Variants in TRIP12 observed in about 807,000 individuals in gnomAD.
TRIP12 encodes thyroid hormone receptor interactor 12.
Under a neutral mutation model 244.2 loss-of-function variants are expected in TRIP12, and 25 were observed. That is an observed-to-expected ratio of 0.10 (90% CI 0.07 to 0.14). TRIP12 has a LOEUF of 0.14. TRIP12 is among the 10% of genes least tolerant of loss of function. TRIP12 has a pLI of 1.00. For synonymous variants in TRIP12, 905 were observed against 873.1 expected (o/e 1.04, Z -0.64); for missense variants, 1,677 against 2,486.4 (o/e 0.67, Z 6.92).
intron 6 of TRIP12, among the ~76,000 whole-genome samples, chr2:229,834,561 A>G (rs998589462): frequency 6.6e-6 from 1 of 152,218 alleles, no homozygotes; most frequent in African/African-American, 2.4e-5. Context: ...GGAGTTGGAC[A>G]GCAGCCCGGC....
At chr2:229,906,382 AT>A (rs1219156108) in intron 1 of TRIP12, among the ~76,000 whole-genome samples, 1 of 151,196 alleles carries the variant, frequency 6.6e-6, no homozygotes, top group African/African-American at 2.4e-5. Flanking sequence ...TTTTACATCT[AT>A]TTCTGAAAAA....
chr2:229,809,042 G>A (rs2046586173), intron 15 of TRIP12, among the ~76,000 whole-genome samples: 3 of 152,156 alleles, frequency 2.0e-5, no homozygotes, highest in African/African-American at 4.8e-5. Flanking sequence ...GACACAGCTG[G>A]GTCTTTGCTG....
intron 1 of TRIP12, among the ~76,000 whole-genome samples, chr2:229,920,222 G>A (rs2154384360): frequency 6.6e-6 from 1 of 152,194 alleles, no homozygotes; most frequent in South Asian, 2.1e-4. Flanking sequence ...TTTTAAAGAG[G>A]AGACTCTGAG....
intron 1 of TRIP12, among the ~76,000 whole-genome samples, chr2:229,893,394 C>G (rs2067886673): frequency 6.6e-6 from 1 of 152,150 alleles, no homozygotes. Flanking sequence ...AACCCAAATC[C>G]TTACCAGGAT....
intron 23 of TRIP12, among the ~76,000 whole-genome samples, chr2:229,798,252 C>T (rs2043310646): frequency 6.6e-6 from 1 of 152,194 alleles, no homozygotes; most frequent in South Asian, 2.1e-4. Flanking sequence ...TAAGACCCGG[C>T]TGCTTAAATT....
chr2:229,856,685 G>C (rs2059663643), intron 4 of TRIP12, among the ~76,000 whole-genome samples: 1 of 152,156 alleles, frequency 6.6e-6, no homozygotes, highest in Admixed American at 6.5e-5. Flanking sequence ...ATATTACATA[G>C]CAGGACTGAC....
rs748171866 is a variant in TRIP12 at position 229,795,373 on chromosome 2, A to G, written c.3817-43T>C. The G allele has an allele frequency of 1.2e-5, 19 of 1,567,540 alleles. No individual in the cohort carries two copies. The African/African-American group carries it at 2.2e-4, about 18-fold the overall frequency. On this transcript the variant is annotated intron_variant, in intron 25 of 41. Transcript: ENST00000675903. ...CAAACAGGTTAAACAAAGCCTTTTCAAAACAAAAGTCTCCTCAAAGAGAAG... is the reference window on the plus strand; with the variant it reads ...CAAACAGGTTAAACAAAGCCTTTTCGAAACAAAAGTCTCCTCAAAGAGAAG...
rs147718223 is a variant in TRIP12, at chr2:229,810,379, G to C, written c.2221+501C>G. 1.2e-4 allele frequency among the ~76,000 whole-genome samples: 19 copies of C among 152,216 alleles called. 1 individual carries two copies. In the East Asian group the frequency reaches 3.7e-3, roughly 29 times the overall value. Reference sequence around the variant, plus strand: ...AGAAATACCTTTCTAAATTTGAAAGGTTTAATTTGAAAGGTCTAAATTTGA... The same window carrying C: ...AGAAATACCTTTCTAAATTTGAAAGCTTTAATTTGAAAGGTCTAAATTTGA... On this transcript the variant is annotated intron_variant, in intron 15 of 41. Transcript: ENST00000675903.
chr2:229,866,800 G>T (rs761439843), intron 2 of TRIP12, among the ~76,000 whole-genome samples: 1 of 152,138 alleles, frequency 6.6e-6, no homozygotes, highest in African/African-American at 2.4e-5. Flanking sequence ...CTTTTAGCAG[G>T]AGAATATAAG....
intron 40 of TRIP12, among the ~76,000 whole-genome samples, chr2:229,769,001 C>G (rs1041240613): frequency 6.6e-6 from 1 of 151,928 alleles, no homozygotes; most frequent in Admixed American, 6.6e-5. Context: ...CTTCCCCAAC[C>G]CCTAGTATTT....
In TRIP12 at chr2:229,772,802, A is replaced by G. The variant is rs529151102; in HGVS notation, c.5695-1170T>C. Among the ~76,000 whole-genome samples, 233 of 151,612 alleles carry G rather than the reference A, an allele frequency of 1.5e-3. 2 individuals carry two copies. The highest frequency in any genetic ancestry group is 5.4e-3 in the African/African-American group (223 of 41,114). On this transcript the variant is annotated intron_variant, in intron 38 of 41. Coordinates refer to ENST00000675903, the MANE Select transcript of TRIP12 (RefSeq NM_001348323.3). ...TATATTCTCTCTCTCTCTCTCTTTT[A>G]AAGCTGATGAAGAAAATGGTGATGA...
intron 2 of TRIP12, among the ~76,000 whole-genome samples, chr2:229,870,088 T>G (rs1320276391): frequency 6.6e-6 from 1 of 152,180 alleles, no homozygotes; most frequent in Non-Finnish European, 1.5e-5. Context: ...GGTTAAGGAA[T>G]AGCTAACAGG....
intron 1 of TRIP12, among the ~76,000 whole-genome samples, chr2:229,899,387 C>A (rs2069924849): frequency 6.6e-6 from 1 of 152,138 alleles, no homozygotes; most frequent in African/African-American, 2.4e-5. Flanking sequence ...ATCAGGAAAA[C>A]CAGCAAGAAT....
At chr2:229,909,495 C>A (rs1039021574) in intron 1 of TRIP12, among the ~76,000 whole-genome samples, 9 of 151,460 alleles carry the variant, frequency 5.9e-5, no homozygotes, top group Non-Finnish European at 2.9e-5. Context: ...GAGGTTAAGG[C>A]TGCAGTGAGC....
At position 229,880,172 on chromosome 2, in the gene TRIP12, T is replaced by C; in HGVS notation, c.-49-44A>G. On this transcript the variant is annotated intron_variant, in intron 1 of 41. Coordinates refer to ENST00000675903, the MANE Select transcript of TRIP12 (RefSeq NM_001348323.3). ...AACAAAATTTATCAGATGTACAAAA[T>C]ACAATATGGAAAAGAAATGAGGGGA... 9 of 1,204,898 alleles carry C rather than the reference T, an allele frequency of 7.5e-6. No individual in the cohort carries two copies. The South Asian group carries it at 1.1e-4, about 15-fold the overall frequency. 74.6% of individuals were successfully genotyped at this position (1,204,898 alleles called of 1,614,324 possible).
intron 34 of TRIP12, among the ~76,000 whole-genome samples, chr2:229,783,997 C>G (rs1392634741): frequency 6.6e-6 from 1 of 151,622 alleles, no homozygotes; most frequent in East Asian, 1.9e-4. Flanking sequence ...GTAATCCCAG[C>G]TACTCTGGAG....
chr2:229,909,746 A>G (rs2073896268), intron 1 of TRIP12, among the ~76,000 whole-genome samples: 1 of 151,972 alleles, frequency 6.6e-6, no homozygotes, highest in Admixed American at 6.6e-5. Flanking sequence ...TCAGCTACTC[A>G]GGAGGTGAAG....
chr2:229,905,274 C>CA (rs371131914), intron 1 of TRIP12, among the ~76,000 whole-genome samples: 3,668 of 67,074 alleles, frequency 0.055, 59 homozygotes, highest in Non-Finnish European at 0.067. Context: ...AACTCCGTCT[C>CA]AAAAAAAAAA....
intron 1 of TRIP12, among the ~76,000 whole-genome samples, chr2:229,883,998 C>G (rs1191529231): frequency 6.6e-6 from 1 of 151,654 alleles, no homozygotes; most frequent in Admixed American, 6.6e-5. Flanking sequence ...AAAATCCCAG[C>G]TACTTGGGAG....
Sources: allele counts gnomAD v4.1 joint callset (sites outside exome capture counted in the v4.1 genomes callset), GRCh38; gene constraint gnomAD v4.1.1; transcripts MANE v1.5; gene names NCBI Gene and HGNC (gene_info 2026-07-23, HGNC 2026-07-21).